Variants in SAFB observed in about 807,000 individuals in gnomAD.
SAFB encodes the protein scaffold attachment factor B1.
A neutral mutation model predicts 101.6 loss-of-function variants in SAFB; 15 were observed. The ratio of observed to expected loss-of-function variants is 0.15; its 90% CI spans 0.10 to 0.23. SAFB has a LOEUF of 0.23. Among genes scored for constraint, SAFB ranks in the 10% least tolerant of loss-of-function variants. SAFB has a pLI of 1.00. For synonymous variants in SAFB, 449 were observed against 407.5 expected, an observed-to-expected ratio of 1.10 and a Z score of -1.23; for missense variants, 930 against 1,104.1, an observed-to-expected ratio of 0.84 and a Z score of 2.23.
At position 5,668,264 on chromosome 19, in the gene SAFB, C is replaced by T. The variant is rs752305894; in HGVS notation, c.2727C>T (p.Ser909=). Residue 909 remains serine, a synonymous_variant, in exon 21 of 21, where the codon AGC becomes AGT. Transcript: ENST00000588852. Reference sequence around the variant, plus strand: ...GCCAGAGCCGGGGGAGCAGGCCCAGCGATGCCCGCTTCACTCGCCGCTACT... The same window carrying T: ...GCCAGAGCCGGGGGAGCAGGCCCAGTGATGCCCGCTTCACTCGCCGCTACT... ...FGGQSRGSRP[S]DARFTRRY is the part of the protein sequence containing the mutation. 4.3e-6 allele frequency: 7 copies of T among 1,611,488 alleles called. No individual in the cohort carries two copies. Among genetic ancestry groups the T allele is most frequent in the South Asian group, 3.3e-5 (3 of 90,914 alleles).
intron 17 of SAFB, chr19:5,666,088 C>CT (rs1451698843): frequency 6.6e-6 from 1 of 152,184 alleles, no homozygotes; most frequent in African/African-American, 2.4e-5. Flanking sequence ...CTTACCAGGA[C>CT]TCCTTTCTAG....
chr19:5,629,268 TAAATA>T (rs1311657003), intron 2 of SAFB, among the ~76,000 whole-genome samples: 2 of 152,054 alleles, frequency 1.3e-5, no homozygotes, highest in East Asian at 1.9e-4. Context: ...AACAAAAAGT[TAAATA>T]AAAGTCAATG....
intron 8 of SAFB, 32 bp from the exon 9 acceptor site, chr19:5,650,946 T>G (rs1568267518): frequency 3.8e-6 from 5 of 1,327,702 alleles, no homozygotes; most frequent in Non-Finnish European, 5.4e-6. Flanking sequence ...TGTGGGTATT[T>G]GGGTTTTTAC....
chr19:5,665,470 C>G (rs74190904), intron 17 of SAFB: 8 of 151,496 alleles, frequency 5.3e-5, no homozygotes, highest in Non-Finnish European at 7.4e-5. Context: ...GTGGGCGCAT[C>G]TGTACAAACG....
chr19:5,661,426 G>A (rs1342613287), intron 14 of SAFB, 92 bp from the exon 15 acceptor site: 1 of 1,560,108 alleles, frequency 6.4e-7, no homozygotes, highest in Admixed American at 1.8e-5. Context: ...CACAGCCCTG[G>A]AGTCTGTGCG....
At chr19:5,655,138 C>A (rs777676037) in intron 13 of SAFB, among the ~76,000 whole-genome samples, 1 of 152,180 alleles carries the variant, frequency 6.6e-6, no homozygotes. Flanking sequence ...CACCTTGACC[C>A]CTTCCTGTAC....
intron 4 of SAFB, among the ~76,000 whole-genome samples, chr19:5,642,473 A>AAAC (rs2053738125): frequency 2.6e-5 from 3 of 114,162 alleles, no homozygotes; most frequent in East Asian, 4.2e-4. Context: ...AACAAACAAA[A>AAAC]AAAAAAACAC....
At chr19:5,624,730 AG>A (rs1216067256) in intron 1 of SAFB, among the ~76,000 whole-genome samples, 1 of 150,484 alleles carries the variant, frequency 6.6e-6, no homozygotes, top group Non-Finnish European at 1.5e-5. Context: ...CCTGGGCTCA[AG>A]GGTGGATAGT....
chr19:5,666,997 G>A (rs2054340493), intron 17 of SAFB, 49 bp from the exon 18 acceptor site: 2 of 1,169,352 alleles, frequency 1.7e-6, no homozygotes. Context: ...TTGGGGTCTG[G>A]GCGCTGACAC....
intron 2 of SAFB, among the ~76,000 whole-genome samples, 184 bp downstream of exon 2, chr19:5,626,673 G>A (rs1253085816): frequency 6.6e-6 from 1 of 152,180 alleles, no homozygotes; most frequent in Non-Finnish European, 1.5e-5. Context: ...CTTGGTATCT[G>A]GGAATTCCAA....
Position 5,667,160 on chromosome 19 carries a change from C to G in SAFB, c.2449C>G (p.Pro817Ala). 1.3e-6 allele frequency: 2 copies of G among 1,585,886 alleles called. No individual in the cohort carries two copies. The highest frequency in any genetic ancestry group is 8.6e-7 in the Non-Finnish European group (1 of 1,157,170). The change falls in exon 18 of 21, where the codon CCC (proline) becomes GCC (alanine). Residue 817 changes from proline to alanine, a missense_variant. By Grantham distance (27) the Pro-to-Ala change is conservative. Transcript: ENST00000588852. The surrounding 1 kb of genome is among the most constrained non-coding windows in gnomAD (Gnocchi z 4.0). The part of the protein sequence containing the change: ...MSEGRGLPPP[P>A]RGRRDWGDHG... ...CGAGGGCCGGGGGCTGCCTCCTCCC[C>G]CCAGGTTTGTGTCCCACACCCGACA... is the stretch of plus-strand genomic sequence containing the variant.
intron 2 of SAFB, among the ~76,000 whole-genome samples, chr19:5,638,403 C>G (rs1230765583): frequency 1.3e-5 from 2 of 152,178 alleles, no homozygotes; most frequent in South Asian, 2.1e-4. Flanking sequence ...ACTGCAACCT[C>G]TGCCTCCTGG....
At chr19:5,628,562 G>T (rs1261089362) in intron 2 of SAFB, among the ~76,000 whole-genome samples, 1 of 152,060 alleles carries the variant, frequency 6.6e-6, no homozygotes. Flanking sequence ...TGCTCAGAAG[G>T]TTTCAGTTTC....
chr19:5,649,834 G>A (rs1270790052), intron 7 of SAFB, 92 bp from the exon 8 acceptor site: 20 of 1,129,810 alleles, frequency 1.8e-5, no homozygotes, highest in Non-Finnish European at 2.4e-5. Flanking sequence ...TAAATTTCGG[G>A]TAGGTATGCA....
At position 5,637,666 on chromosome 19, in the gene SAFB, CA is replaced by C. The variant is rs374931949; in HGVS notation, c.275-3919del. Reference sequence around the variant, plus strand: ...TGGTGACGGGGTCAGACCCTGTCTCCAAAAAAAAATAGACTATTCTTCACAC... The same window carrying C: ...TGGTGACGGGGTCAGACCCTGTCTCCAAAAAAAATAGACTATTCTTCACAC... On this transcript the variant is annotated intron_variant, in intron 2 of 20. Coordinates refer to ENST00000588852, the MANE Select transcript of SAFB (RefSeq NM_001201338.2). Among the ~76,000 whole-genome samples the C allele has an allele frequency of 2.3e-3, 345 of 149,474 alleles. 1 individual carries two copies. In the East Asian group the frequency reaches 0.031, roughly 13 times the overall value.
chr19:5,647,989 C>T (rs763161811), intron 5 of SAFB, 27 bp from the exon 6 acceptor site: 91 of 1,603,916 alleles, frequency 5.7e-5, no homozygotes, highest in Non-Finnish European at 7.6e-5. Context: ...TCATCTGGCA[C>T]AGTCTTATTT....
intron 16 of SAFB, 90 bp downstream of exon 16, chr19:5,664,249 T>C (rs1224941696): frequency 6.8e-7 from 1 of 1,475,276 alleles, no homozygotes; most frequent in Non-Finnish European, 9.4e-7. Flanking sequence ...CTGAACCCAC[T>C]CCGTTCATCA....
chr19:5,648,182 A>G, intron 6 of SAFB, 139 bp downstream of exon 6: 2 of 705,730 alleles, frequency 2.8e-6, no homozygotes, highest in Non-Finnish European at 2.3e-6. Context: ...TCCAAAACCT[A>G]CCAGGATCAT....
intron 2 of SAFB, among the ~76,000 whole-genome samples, chr19:5,632,422 A>G (rs972486558): frequency 6.6e-6 from 1 of 152,190 alleles, no homozygotes; most frequent in African/African-American, 2.4e-5. Flanking sequence ...GTACTGCAGT[A>G]AAGTAAGGAT....
Sources: gnomAD v4.1 joint callset for allele counts (sites outside exome capture counted in the v4.1 genomes callset) on GRCh38, gnomAD v4.1.1 for gene constraint, Gnocchi (gnomAD v3.1) non-coding constraint, MANE v1.5 for transcripts, NCBI Gene and HGNC (gene_info 2026-07-23, HGNC 2026-07-21) for gene names.